Variants in TTBK1 observed in about 807,000 individuals in gnomAD.
TTBK1 encodes the protein tau-tubulin kinase 1.
A neutral mutation model predicts 108.5 loss-of-function variants in TTBK1; 34 were observed. The ratio of observed to expected loss-of-function variants is 0.31; its 90% CI spans 0.24 to 0.42. The LOEUF (loss-of-function observed/expected upper bound fraction) is 0.42, where lower values mean the gene tolerates loss of function less well. Ranked by LOEUF, TTBK1 falls within the 10% of genes least tolerant of loss-of-function variation. The probability of loss-of-function intolerance (pLI) is 1.00; values close to 1 mark genes in which losing one functional copy is unlikely to be tolerated. For synonymous variants in TTBK1, 809 were observed against 795.1 expected (o/e 1.02, Z -0.29); for missense variants, 1,539 against 1,826.0 (o/e 0.84, Z 2.86).
At position 43,285,300 on chromosome 6, in the gene TTBK1, G is replaced by A. The variant is rs1778343024; in HGVS notation, c.3890G>A (p.Arg1297Lys). ...CCCGGGGGCTCCAAGAAAGGACCCA[G>A]AGGGAAACTCCAGGCTCAGCGCGCA... Reference protein sequence around the residue: ...PSPGGSKKGPRGKLQAQRATT... With the variant: ...PSPGGSKKGPKGKLQAQRATT... The change falls in exon 15 of 15, where the codon AGA becomes AAA. Residue 1297 changes from arginine to lysine, a missense_variant. Physicochemically the swap from Arg to Lys is conservative, Grantham distance 26 (BLOSUM62 2). Around this residue, in one of 5 missense-constraint regions of TTBK1, gnomAD observed 1,055 missense variants for 1,086.5 expected, o/e 0.97. Transcript: ENST00000259750. This position sits in a 1 kb window ranked among gnomAD's most constrained non-coding sequence, Gnocchi z 4.7. 7.7e-7 allele frequency: 1 copy of A among 1,294,928 alleles called. No homozygotes were observed. The highest frequency in any genetic ancestry group is 1.5e-5 in the African/African-American group (1 of 64,656). The allele number at this position is 1,294,928 out of a possible 1,614,324, so 80.2% of individuals were successfully genotyped here.
At chr6:43,279,970 C>A (rs1178601038) in intron 13 of TTBK1, among the ~76,000 whole-genome samples, 1 of 151,830 alleles carries the variant, frequency 6.6e-6, no homozygotes, top group East Asian at 2.0e-4. Flanking sequence ...CTGAGGGGAC[C>A]CTAGCAACCC....
chr6:43,266,021 G>C (rs1011593176), intron 13 of TTBK1, among the ~76,000 whole-genome samples: 9 of 152,238 alleles, frequency 5.9e-5, no homozygotes, highest in African/African-American at 2.2e-4. Context: ...GGCCGATTCT[G>C]TAATCAGTCT....
rs535076478 is a variant in TTBK1, at chr6:43,263,120, C to G, written c.1756C>G (p.Arg586Gly). The change falls in exon 13 of 15, where the codon CGG becomes GGG. Residue 586 changes from arginine to glycine, a missense_variant. Physicochemically the swap from Arg to Gly is moderately radical, Grantham distance 125. Transcript: ENST00000259750. This position sits in a 1 kb window ranked among gnomAD's most constrained non-coding sequence, Gnocchi z 4.7. ...GCCCGAGGAGGGCGAAGAGCGGCGG[C>G]GGCTGGGGGCAGAGCCCACCGTCCG... ...PLPEEGEERR[R>G]LGAEPTVRPR... 108 of 1,565,174 alleles carry G rather than the reference C, an allele frequency of 6.9e-5. No homozygotes were observed. The highest frequency in any genetic ancestry group is 8.7e-7 in the Non-Finnish European group (1 of 1,154,200).
intron 10 of TTBK1, 93 bp downstream of exon 10, chr6:43,258,059 C>T: frequency 7.1e-7 from 1 of 1,402,462 alleles, no homozygotes; most frequent in Non-Finnish European, 9.5e-7. Flanking sequence ...CCTATCTGGA[C>T]ACACTTGGCT....
chr6:43,275,105 C>G (rs1777932036), intron 13 of TTBK1, among the ~76,000 whole-genome samples: 1 of 152,196 alleles, frequency 6.6e-6, no homozygotes, highest in Admixed American at 6.5e-5. Flanking sequence ...CGTAGCTGCG[C>G]GCACTTCGCC....
Position 43,263,300 on chromosome 6 carries a change from G to A in TTBK1, c.1936G>A (p.Gly646Arg). 2.7e-6 allele frequency: 4 copies of A among 1,495,062 alleles called. No homozygotes were observed. Among genetic ancestry groups the A allele is most frequent in the Non-Finnish European group, 3.6e-6 (4 of 1,119,462 alleles). The allele number at this position is 1,495,062 out of a possible 1,614,324, so 92.6% of individuals were successfully genotyped here. Residue 646 changes from glycine (G) to arginine (R), a missense_variant, in exon 13 of 15, where the codon GGA becomes AGA. Transcript: ENST00000259750. The surrounding 1 kb of genome is among the most constrained non-coding windows in gnomAD (Gnocchi z 4.7). ...CCCTTCCCACTCACCCCTGCACTCG[G>A]GACCCCGCCCTCGACGGAGAGAGTC... ...GSPSHSPLHS[G>R]PRPRRRESDP...
intron 13 of TTBK1, among the ~76,000 whole-genome samples, chr6:43,279,948 A>G (rs1232130740): frequency 1.3e-5 from 2 of 150,842 alleles, no homozygotes; most frequent in Non-Finnish European, 3.0e-5. Flanking sequence ...GGGTTTTGCC[A>G]TGTTCCCCAG....
At position 43,282,539 on chromosome 6, in the gene TTBK1, A is replaced by G. The variant is rs1220109387; in HGVS notation, c.1987-188A>G. The stretch of plus-strand genomic sequence containing the variant: ...CCTGAGCACTCACTAGGCGCCAGAG[A>G]CCATTCTAGGCCCTGGGGACAGAGC... On this transcript the variant is annotated intron_variant, in intron 13 of 14. Transcript: ENST00000259750. The surrounding 1 kb of genome is among the most constrained non-coding windows in gnomAD (Gnocchi z 5.4). Among the ~76,000 whole-genome samples the G allele has an allele frequency of 6.6e-6, 1 of 152,122 alleles. No individual in the cohort carries two copies. Among genetic ancestry groups the G allele is most frequent in the Non-Finnish European group, 1.5e-5 (1 of 68,006 alleles).
rs1011547338 is a variant in TTBK1 at position 43,259,013 on chromosome 6, C to G, written c.1017-25C>G. On this transcript the variant is annotated intron_variant, in intron 10 of 14. Transcript: ENST00000259750. This position sits in a 1 kb window ranked among gnomAD's most constrained non-coding sequence, Gnocchi z 6.7. ...AGAGGGCACCCCTGCCAGCCTTGCC[C>G]ATGGCTCCCTCCTGCCCTCTCCAGG... 2 of 1,579,128 alleles carry G rather than the reference C, an allele frequency of 1.3e-6. No homozygotes were observed. Among genetic ancestry groups the G allele is most frequent in the African/African-American group, 2.7e-5 (2 of 74,280 alleles).
Position 43,283,447 on chromosome 6 carries a change from G to A in TTBK1, c.2707G>A (p.Gly903Arg), listed in dbSNP as rs1562101188. Residue 903 changes from glycine to arginine, a missense_variant, in exon 14 of 15, where the codon GGG becomes AGG. By Grantham distance (125) the Gly-to-Arg change is moderately radical. Coordinates refer to ENST00000259750, the MANE Select transcript of TTBK1 (RefSeq NM_032538.3). This position sits in a 1 kb window ranked among gnomAD's most constrained non-coding sequence, Gnocchi z 8.1. The stretch of plus-strand genomic sequence containing the variant: ...GCCCAAGCCCCCGGGGCCTGGGGCA[G>A]GGCTGGGGGCCGGGACAGTGACCAC... Reference protein sequence around the residue: ...SEPKPPGPGAGLGAGTVTTGV... With the variant: ...SEPKPPGPGARLGAGTVTTGV... 6.2e-7 allele frequency: 1 copy of A among 1,613,832 alleles called. No homozygotes were observed. The highest frequency in any genetic ancestry group is 2.2e-5 in the East Asian group (1 of 44,864).
chr6:43,269,612 CT>C lies in TTBK1; in HGVS notation c.1986+6266del. 1 of 1,594,682 alleles carries C rather than the reference CT, an allele frequency of 6.3e-7. No individual in the cohort carries two copies. On this transcript the variant is annotated intron_variant, in intron 13 of 14. Transcript: ENST00000259750. This position sits in a 1 kb window ranked among gnomAD's most constrained non-coding sequence, Gnocchi z 4.8. ...GCTGTCGAGTCTGTGCCTGACACCTCTTTTCCCTCCACTTTCTTGGTCTCTT... is the reference window on the plus strand; with the variant it reads ...GCTGTCGAGTCTGTGCCTGACACCTCTTTCCCTCCACTTTCTTGGTCTCTT...
chr6:43,277,273 C>G (rs73438325), intron 13 of TTBK1, among the ~76,000 whole-genome samples: 3,389 of 152,054 alleles, frequency 0.022, 44 homozygotes, highest in South Asian at 0.051. Context: ...CTGTGAGAAC[C>G]TGGGGTTGGG....
Position 43,259,171 on chromosome 6 carries a change from C to T in TTBK1, c.1150C>T (p.Pro384Ser). 2 of 1,612,732 alleles carry T rather than the reference C, an allele frequency of 1.2e-6. No individual in the cohort carries two copies. Among genetic ancestry groups the T allele is most frequent in the Non-Finnish European group, 8.5e-7 (1 of 1,179,124 alleles). Residue 384 changes from proline (P) to serine (S), a missense_variant, in exon 11 of 15, where the codon CCC (proline) becomes TCC (serine). Pro to Ser is a moderately conservative substitution (Grantham distance 74, BLOSUM62 -1). This residue lies in a region of TTBK1 where 277 missense variants were observed against 332.4 expected (regional missense o/e 0.83). Transcript: ENST00000259750. This position sits in a 1 kb window ranked among gnomAD's most constrained non-coding sequence, Gnocchi z 6.7. ...CGGGAGGCCCTCTGAGGGGCTGGGC[C>T]CCAGTCCCCACCTTGTCCCCCACCC... ...LPGRPSEGLG[P>S]SPHLVPHPGG...
Position 43,284,985 on chromosome 6 carries a change from T to A in TTBK1, c.3575T>A (p.Leu1192His). 5 of 1,514,862 alleles carry A rather than the reference T, an allele frequency of 3.3e-6. No individual in the cohort carries two copies. The highest frequency in any genetic ancestry group is 4.4e-6 in the Non-Finnish European group (5 of 1,137,382). The allele number at this position is 1,514,862 out of a possible 1,614,324, so 93.8% of individuals were successfully genotyped here. A position where few individuals can be genotyped will look rare whatever the true frequency, so the allele number is the denominator to read the frequency against. Residue 1192 changes from leucine (L) to histidine (H), a missense_variant and splice_region_variant, in exon 15 of 15, where the codon CTC becomes CAC. Coordinates refer to ENST00000259750, the MANE Select transcript of TTBK1 (RefSeq NM_032538.3). ...TCCTGCCTTCTGCTCTCAAGCAGGC[T>A]CCAGCTGCAGACGCCCCCAGGGTCG... ...PALDTAITSRLQLQTPPGSAT... is the reference protein window; with the variant it reads ...PALDTAITSRHQLQTPPGSAT...
At chr6:43,250,443 G>T (rs1487387684) in intron 2 of TTBK1, among the ~76,000 whole-genome samples, 1 of 139,448 alleles carries the variant, frequency 7.2e-6, no homozygotes, top group Non-Finnish European at 1.5e-5. Flanking sequence ...TGCAGCCTCC[G>T]CCTCCCGGGT....
rs1777083860 is a variant in TTBK1, at chr6:43,246,297, C to T, written c.-54-310C>T. The stretch of plus-strand genomic sequence containing the variant: ...AGGGAAAGGGTCCCAGTCTGGTATG[C>T]CCCCTTGGTCAGCAAGTCTTCCTGG... On this transcript the variant is annotated intron_variant, in intron 1 of 14. Transcript: ENST00000259750. Among the ~76,000 whole-genome samples, 7 of 152,228 alleles carry T rather than the reference C, an allele frequency of 4.6e-5. No individual in the cohort carries two copies. The South Asian group carries it at 1.4e-3, about 31-fold the overall frequency.
chr6:43,271,567 C>T (rs969822687), intron 13 of TTBK1: 2 of 985,268 alleles, frequency 2.0e-6, no homozygotes, highest in African/African-American at 3.5e-5. Flanking sequence ...CATCAATTCC[C>T]CAGATGTCTC....
chr6:43,265,147 C>T lies in TTBK1; in HGVS notation c.1986+1797C>T, dbSNP rs143432370. ...CTGGGGAGAGTCATGGAGGGGATGC[C>T]GGAAGGGGCTCAGGGGCTGTGCCGC... On this transcript the variant is annotated intron_variant, in intron 13 of 14. Coordinates refer to ENST00000259750, the MANE Select transcript of TTBK1 (RefSeq NM_032538.3). The surrounding 1 kb of genome is among the most constrained non-coding windows in gnomAD (Gnocchi z 4.1). 6.6e-6 allele frequency among the ~76,000 whole-genome samples: 1 copy of T among 152,234 alleles called. No individual in the cohort carries two copies. The highest frequency in any genetic ancestry group is 1.5e-5 in the Non-Finnish European group (1 of 68,000).
rs959654656 is a variant in TTBK1, at chr6:43,265,704, A to G, written c.1986+2354A>G. 6.6e-6 allele frequency among the ~76,000 whole-genome samples: 1 copy of G among 152,162 alleles called. No individual in the cohort carries two copies. The highest frequency in any genetic ancestry group is 1.9e-4 in the East Asian group (1 of 5,188). On this transcript the variant is annotated intron_variant, in intron 13 of 14. Transcript: ENST00000259750. The surrounding 1 kb of genome is among the most constrained non-coding windows in gnomAD (Gnocchi z 4.1). ...CACAGGCATCAGAGGTGACTTGCAC[A>G]ATAGGTTGTACCCGTAGGAAGTGCA...
Sources: allele counts gnomAD v4.1 joint callset (sites outside exome capture counted in the v4.1 genomes callset), GRCh38; gene constraint gnomAD v4.1.1; regional missense constraint gnomAD v4.1.1; non-coding constraint Gnocchi (gnomAD v3.1); transcripts MANE v1.5; gene names NCBI Gene and HGNC (gene_info 2026-07-23, HGNC 2026-07-21).